The following DPY30 variants were observed in gnomAD, a reference collection of about 807,000 sequenced individuals.
The protein encoded by DPY30 is dpy-30 histone methyltransferase complex regulatory subunit, also known as protein dpy-30 homolog.
DPY30 carries 6 observed loss-of-function variants against 16.2 expected under a neutral mutation model. The ratio of observed to expected loss-of-function variants is 0.37; its 90% confidence interval spans 0.20 to 0.73. The LOEUF (loss-of-function observed/expected upper bound fraction) is 0.73. Ranked by LOEUF, DPY30 falls within the 30% of genes least tolerant of loss-of-function variation. The probability of loss-of-function intolerance (pLI) is 0.51; values close to 1 mark genes in which losing one functional copy is unlikely to be tolerated. For synonymous variants in DPY30, 39 were observed against 38.8 expected (o/e 1.00, Z -0.02); for missense variants, 73 against 113.1 (o/e 0.65, Z 1.61).
Position 32,024,001 on chromosome 2 carries a change from T to A in DPY30, c.*183A>T, listed in dbSNP as rs1179090939. 1 of 1,444,884 alleles carries A rather than the reference T, an allele frequency of 6.9e-7. No individual in the cohort carries two copies. The highest frequency in any genetic ancestry group is 9.0e-7 in the Non-Finnish European group (1 of 1,105,306). 89.5% of individuals were successfully genotyped at this position (1,444,884 alleles called of 1,614,324 possible). A position where few individuals can be genotyped will look rare whatever the true frequency, so the allele number is the denominator to read the frequency against. On this transcript the variant is annotated 3_prime_UTR_variant, in exon 5 of 5. Coordinates refer to ENST00000342166, the MANE Select transcript of DPY30 (RefSeq NM_001321209.2). ...ACAGAATACACTCATTAAATAGGTA[T>A]GGTTTATGGTGATTAAATCAAAATA...
intron 3 of DPY30, among the ~76,000 whole-genome samples, chr2:32,035,104 AT>A (rs1675687086): frequency 6.7e-6 from 1 of 150,092 alleles, no homozygotes; most frequent in African/African-American, 2.4e-5. Context: ...GCGAGACTCC[AT>A]TTAAAAAAAA....
chr2:32,014,088 A>G (rs1296421044), intron 5 of DPY30, among the ~76,000 whole-genome samples: 2 of 152,166 alleles, frequency 1.3e-5, no homozygotes, highest in African/African-American at 4.8e-5. Context: ...AGCATGTCCA[A>G]TATTTACTGC....
intron 5 of DPY30, among the ~76,000 whole-genome samples, chr2:32,015,291 G>C (rs572186389): frequency 4.9e-4 from 74 of 152,048 alleles, no homozygotes; most frequent in Non-Finnish European, 8.7e-4. Flanking sequence ...ACACAGAGAG[G>C]GTCTTTTGAT....
intron 5 of DPY30, among the ~76,000 whole-genome samples, chr2:32,014,004 GAGAAAGAA>G (rs1289351327): frequency 2.7e-5 from 4 of 146,168 alleles, no homozygotes; most frequent in Admixed American, 6.8e-5. Context: ...GCAAGACTCT[GAGAAAGAA>G]AGAAAGAGAG....
At position 32,033,747 on chromosome 2, in the gene DPY30, C is replaced by T. The variant is rs535668326; in HGVS notation, c.85-4011G>A. Among the ~76,000 whole-genome samples, 8 of 152,334 alleles carry T rather than the reference C, an allele frequency of 5.3e-5. No individual in the cohort carries two copies. In the South Asian group the frequency reaches 1.7e-3, roughly 32 times the overall value. ...TAATAAATTTCTTAACCAAATCCTC[C>T]CATTTATTTCATGTGAACATTTATG... is the stretch of plus-strand genomic sequence containing the variant. On this transcript the variant is annotated intron_variant, in intron 3 of 4. Transcript: ENST00000342166.
intron 5 of DPY30, among the ~76,000 whole-genome samples, chr2:32,016,896 T>G (rs573864004): frequency 1.3e-5 from 2 of 152,314 alleles, no homozygotes; most frequent in East Asian, 1.9e-4. Flanking sequence ...TGTTGTTGTT[T>G]TTTTGAGACA....
chr2:32,020,742 C>T (rs1180526451), downstream of DPY30, among the ~76,000 whole-genome samples: 1 of 152,036 alleles, frequency 6.6e-6, no homozygotes, highest in Non-Finnish European at 1.5e-5. Flanking sequence ...AAATCCACCT[C>T]ACAGGTTCAA....
At chr2:32,036,736 G>A (rs1027194759) in intron 3 of DPY30, among the ~76,000 whole-genome samples, 1 of 150,944 alleles carries the variant, frequency 6.6e-6, no homozygotes, top group East Asian at 1.9e-4. Context: ...GGCATGGTTG[G>A]CGGGTGCCTG....
intron 4 of DPY30, among the ~76,000 whole-genome samples, chr2:32,029,058 G>A (rs1036126679): frequency 2.6e-5 from 4 of 152,000 alleles, no homozygotes; most frequent in Non-Finnish European, 5.9e-5. Flanking sequence ...GATCACTTGA[G>A]GTTAGGAGTT....
intron 5 of DPY30, chr2:32,013,080 T>G (rs530986408): frequency 6.6e-6 from 1 of 152,318 alleles, no homozygotes; most frequent in South Asian, 2.1e-4. Flanking sequence ...CATGGACATC[T>G]AGTAATTTAA....
At chr2:32,023,616 T>C, downstream of DPY30, 3 of 750,532 alleles carry the variant, frequency 4.0e-6, no homozygotes, top group South Asian at 4.3e-5. Context: ...CATTAGAAGA[T>C]ATTGTATCCC....
chr2:32,019,870 ATGTGTATATATATATGTATATG>A (rs938715187), downstream of DPY30, among the ~76,000 whole-genome samples: 1 of 146,128 alleles, frequency 6.8e-6, no homozygotes, highest in African/African-American at 2.5e-5. Flanking sequence ...ACACATATAT[ATGTGTATATATATATGTATATG>A]TGTGTATATA....
intron 5 of DPY30, chr2:32,013,161 G>A (rs1675002075): frequency 6.6e-6 from 1 of 152,120 alleles, no homozygotes; most frequent in South Asian, 2.1e-4. Context: ...CTTGCTGTGA[G>A]AATTATTAAG....
At chr2:32,024,371 C>A in intron 4 of DPY30, 115 bp from the exon 5 acceptor site, 1 of 761,492 alleles carries the variant, frequency 1.3e-6, no homozygotes, top group South Asian at 1.9e-5. Flanking sequence ...ATTTCACAGT[C>A]AAAGGACATT....
chr2:32,022,285 C>A (rs538142337), downstream of DPY30, among the ~76,000 whole-genome samples: 15 of 150,800 alleles, frequency 9.9e-5, no homozygotes, highest in South Asian at 2.9e-3. Flanking sequence ...GGTGGATTAA[C>A]TTATGAGTTA....
At chr2:32,029,499 C>T (rs763455539) in intron 4 of DPY30, 95 bp downstream of exon 4, 60 of 1,398,508 alleles carry the variant, frequency 4.3e-5, no homozygotes, top group Non-Finnish European at 5.7e-5. Context: ...ATAAATCACA[C>T]AGTAAAAAGT....
In DPY30 at chr2:32,024,040, A is replaced by G. The variant is rs1160261636; in HGVS notation, c.*144T>C. On this transcript the variant is annotated 3_prime_UTR_variant, in exon 5 of 5. Transcript: ENST00000342166. ...TAAATCAAAATAAGGGAAATATGTTATCTTCTGCAATTCCAGAAATAGGTT... is the reference window on the plus strand; with the variant it reads ...TAAATCAAAATAAGGGAAATATGTTGTCTTCTGCAATTCCAGAAATAGGTT... The G allele has an allele frequency of 4.7e-6, 7 of 1,491,430 alleles. No individual in the cohort carries two copies. The highest frequency in any genetic ancestry group is 6.2e-6 in the Non-Finnish European group (7 of 1,128,642). 92.4% of individuals were successfully genotyped at this position (1,491,430 alleles called of 1,614,324 possible). A position where few individuals can be genotyped will look rare whatever the true frequency, so the allele number is the denominator to read the frequency against.
At chr2:32,028,755 C>A (rs546710551) in intron 4 of DPY30, among the ~76,000 whole-genome samples, 1 of 152,250 alleles carries the variant, frequency 6.6e-6, no homozygotes, top group South Asian at 2.1e-4. Flanking sequence ...CATGCCACTG[C>A]ACTCCAGCCT....
intron 4 of DPY30, among the ~76,000 whole-genome samples, chr2:32,027,875 G>A (rs1445845900): frequency 4.0e-5 from 6 of 151,750 alleles, no homozygotes; most frequent in East Asian, 2.0e-4. Context: ...TGATCTGCCC[G>A]CCTCGGCCTC....
Sources: allele counts gnomAD v4.1 joint callset (sites outside exome capture counted in the v4.1 genomes callset), GRCh38; gene constraint gnomAD v4.1.1; transcripts MANE v1.5; gene names NCBI Gene and HGNC (gene_info 2026-07-23, HGNC 2026-07-21).